SPICE1: variants seen among roughly 807,000 people sequenced by gnomAD.
The protein encoded by SPICE1 is spindle and centriole associated protein 1, also known as spindle and centriole-associated protein 1.
A neutral mutation model predicts 102.7 loss-of-function variants in SPICE1; 75 were observed. The ratio of observed to expected loss-of-function variants is 0.73; its 90% confidence interval spans 0.61 to 0.88. SPICE1 has a LOEUF of 0.88. Among genes scored for constraint, SPICE1 ranks in the 40% least tolerant of loss-of-function variants. SPICE1 has a pLI of 0.00. For synonymous variants in SPICE1, 308 were observed against 350.3 expected, an observed-to-expected ratio of 0.88 and a Z score of 1.35; for missense variants, 979 against 1,020.1, an observed-to-expected ratio of 0.96 and a Z score of 0.55.
At chr3:113,481,652 G>A (rs1038070311) in intron 7 of SPICE1, among the ~76,000 whole-genome samples, 1 of 151,848 alleles carries the variant, frequency 6.6e-6, no homozygotes, top group African/African-American at 2.4e-5. Flanking sequence ...CCACTTATGA[G>A]TAAGAACACA....
At chr3:113,507,139 T>C (rs965401961) in intron 1 of SPICE1, among the ~76,000 whole-genome samples, 1 of 152,210 alleles carries the variant, frequency 6.6e-6, no homozygotes, top group African/African-American at 2.4e-5. Context: ...ATCTGTCACA[T>C]AATGCTAAAT....
chr3:113,493,222 G>A lies in SPICE1; in HGVS notation c.476C>T (p.Ser159Phe). The change falls in exon 6 of 18, where the codon TCT becomes TTT. Residue 159 changes from serine (S) to phenylalanine (F), a missense_variant. Ser to Phe is a radical substitution (Grantham distance 155). Coordinates refer to ENST00000295872, the MANE Select transcript of SPICE1 (RefSeq NM_144718.4). ...DPITQSIFNE[S>F]VIEPQALNDV... ...ACACATTACCTGAGGTTCTATGACAGACTCATTAAAGATAGATTGGGTGAT... is the reference window on the plus strand; with the variant it reads ...ACACATTACCTGAGGTTCTATGACAAACTCATTAAAGATAGATTGGGTGAT... The A allele has an allele frequency of 1.9e-6, 3 of 1,606,350 alleles. No homozygotes were observed. Among genetic ancestry groups the A allele is most frequent in the Non-Finnish European group, 2.5e-6 (3 of 1,176,874 alleles).
chr3:113,477,210 G>A (rs1316155049), intron 7 of SPICE1, among the ~76,000 whole-genome samples: 1 of 152,036 alleles, frequency 6.6e-6, no homozygotes, highest in Non-Finnish European at 1.5e-5. Flanking sequence ...GGCCATCAGA[G>A]AAATGCAAAT....
At chr3:113,465,616 C>A in intron 11 of SPICE1, 37 bp downstream of exon 11, 2 of 1,594,260 alleles carry the variant, frequency 1.3e-6, no homozygotes, top group South Asian at 1.1e-5. Flanking sequence ...TGTTTTATAC[C>A]ACTGAACACA....
At chr3:113,447,009 A>G (rs1169546249) in intron 16 of SPICE1, among the ~76,000 whole-genome samples, 4 of 152,202 alleles carry the variant, frequency 2.6e-5, no homozygotes, top group African/African-American at 9.6e-5. Flanking sequence ...GATAGTAAAT[A>G]AGTCTCATGA....
intron 1 of SPICE1, among the ~76,000 whole-genome samples, chr3:113,509,111 G>T (rs973538063): frequency 6.6e-6 from 1 of 152,148 alleles, no homozygotes; most frequent in Non-Finnish European, 1.5e-5. Flanking sequence ...CTGCTAATGG[G>T]TATAGTGTTT....
chr3:113,453,668 A>G lies in SPICE1; in HGVS notation c.1940T>C (p.Leu647Pro). 6.2e-7 allele frequency: 1 copy of G among 1,613,976 alleles called. No homozygotes were observed. Among genetic ancestry groups the G allele is most frequent in the Non-Finnish European group, 8.5e-7 (1 of 1,179,998 alleles). The change falls in exon 14 of 18, where the codon CTC (leucine) becomes CCC (proline). Residue 647 changes from leucine to proline, a missense_variant. Coordinates refer to ENST00000295872, the MANE Select transcript of SPICE1 (RefSeq NM_144718.4). ...QSRSPTFSEE[L>P]PVLGDGQQLR... is the part of the protein sequence containing the mutation. ...CTGCTGCCCATCTCCCAGTACTGGGAGCTCTTCTGAGAATGTGGGGCTTCT... is the reference window on the plus strand; with the variant it reads ...CTGCTGCCCATCTCCCAGTACTGGGGGCTCTTCTGAGAATGTGGGGCTTCT...
chr3:113,459,585 A>T (rs1011495653), intron 12 of SPICE1: 2 of 985,288 alleles, frequency 2.0e-6, no homozygotes, highest in African/African-American at 3.5e-5. Flanking sequence ...CTTGACTGAG[A>T]TATTAATAGC....
At chr3:113,503,142 C>T in intron 3 of SPICE1, 38 bp downstream of exon 3, 2 of 1,586,738 alleles carry the variant, frequency 1.3e-6, no homozygotes, top group Non-Finnish European at 1.7e-6. Context: ...CCAAATAAAA[C>T]ACTGAATAAA....
intron 17 of SPICE1, among the ~76,000 whole-genome samples, chr3:113,446,041 T>C (rs1033870562): frequency 2.0e-5 from 3 of 152,234 alleles, no homozygotes; most frequent in Admixed American, 6.5e-5. Flanking sequence ...TGCAAAAATT[T>C]TGAATATACT....
chr3:113,471,894 T>A (rs1260447098), intron 7 of SPICE1, among the ~76,000 whole-genome samples: 2 of 152,230 alleles, frequency 1.3e-5, no homozygotes, highest in African/African-American at 4.8e-5. Context: ...CATTTCCATC[T>A]GAGGTACTGG....
At chr3:113,478,560 A>C (rs1246149318) in intron 7 of SPICE1, among the ~76,000 whole-genome samples, 4 of 152,182 alleles carry the variant, frequency 2.6e-5, no homozygotes, top group Non-Finnish European at 5.9e-5. Context: ...GGACCAAAAA[A>C]CACAAGAATC....
intron 12 of SPICE1, chr3:113,460,362 G>A: frequency 1.1e-6 from 1 of 901,494 alleles, no homozygotes; most frequent in Admixed American, 6.2e-5. Context: ...ACACCAATGG[G>A]GATAACAATA....
rs1446584124 is a variant in SPICE1 at position 113,444,852 on chromosome 3, A to G, written c.*455T>C. On this transcript the variant is annotated 3_prime_UTR_variant, in exon 18 of 18. Coordinates refer to ENST00000295872, the MANE Select transcript of SPICE1 (RefSeq NM_144718.4). ...AATGACTTCCCAAGAAAAAAGAAAG[A>G]AAAGTGGGTGTTACATATTCCTGAA... 1 of 152,432 alleles carries G rather than the reference A, an allele frequency of 6.6e-6. No homozygotes were observed. Among genetic ancestry groups the G allele is most frequent in the East Asian group, 1.9e-4 (1 of 5,202 alleles). The allele number at this position is 152,432 out of a possible 1,614,324, so 9.4% of individuals were successfully genotyped here. A position where few individuals can be genotyped will look rare whatever the true frequency, so the allele number is the denominator to read the frequency against.
chr3:113,476,105 A>G (rs79315436), intron 7 of SPICE1, among the ~76,000 whole-genome samples: 27,019 of 151,760 alleles, frequency 0.18, 3,071 homozygotes, highest in East Asian at 0.42. Context: ...TACAAAATCA[A>G]TGTACAAAAA....
intron 6 of SPICE1, 63 bp downstream of exon 6, chr3:113,493,143 G>A (rs1001460239): frequency 8.7e-7 from 1 of 1,153,352 alleles, no homozygotes; most frequent in Non-Finnish European, 1.2e-6. Flanking sequence ...TTTACCACAA[G>A]GCCTATATCA....
At position 113,504,571 on chromosome 3, in the gene SPICE1, C is replaced by CAAAAAAAAAAA. The variant is rs71633321; in HGVS notation, c.100-1355_100-1345dup. 4.6e-3 allele frequency among the ~76,000 whole-genome samples: 309 copies of CAAAAAAAAAAA among 67,816 alleles called. 4 individuals carry two copies. Among genetic ancestry groups the CAAAAAAAAAAA allele is most frequent in the Middle Eastern group, 0.015 (2 of 132 alleles). The allele number at this position is 67,816 out of a possible 152,430, so 44.5% of individuals were successfully genotyped here. The stretch of plus-strand genomic sequence containing the variant: ...TGGGCAACATAGCAAGACCTTGTCT[C>CAAAAAAAAAAA]AAAAAAAAAAAAAAAAAAAAAAAGG... On this transcript the variant is annotated intron_variant, in intron 2 of 17. Coordinates refer to ENST00000295872, the MANE Select transcript of SPICE1 (RefSeq NM_144718.4).
intron 12 of SPICE1, chr3:113,459,830 C>T (rs903824550): frequency 6.2e-6 from 6 of 962,898 alleles, no homozygotes; most frequent in South Asian, 4.8e-5. Flanking sequence ...TGCAGTAAGC[C>T]GAGAGGGCGC....
chr3:113,458,220 T>TTTG (rs1935828198), intron 12 of SPICE1, among the ~76,000 whole-genome samples: 1 of 99,274 alleles, frequency 1.0e-5, no homozygotes, highest in African/African-American at 6.0e-5. Context: ...CGTCTCCCTC[T>TTTG]CCCGTCTCCC....
Sources: allele counts gnomAD v4.1 joint callset (sites outside exome capture counted in the v4.1 genomes callset), GRCh38; gene constraint gnomAD v4.1.1; transcripts MANE v1.5; gene names NCBI Gene and HGNC (gene_info 2026-07-23, HGNC 2026-07-21).